The following LPAR1 variants were observed in gnomAD, a reference collection of about 807,000 sequenced individuals.
LPAR1 encodes lysophosphatidic acid receptor 1.
In LPAR1, 5 loss-of-function variants were observed where a neutral mutation model predicts 23.8. The observed-to-expected ratio is 0.21, with a 90% CI of 0.11 to 0.44. The LOEUF (loss-of-function observed/expected upper bound fraction) is 0.44. Among genes scored for constraint, LPAR1 ranks in the 20% least tolerant of loss-of-function variants. LPAR1 has a pLI of 0.99. For missense variants in LPAR1, 311 were observed against 482.8 expected, an observed-to-expected ratio of 0.64 and a Z score of 3.33; for synonymous variants, 160 against 164.7, an observed-to-expected ratio of 0.97 and a Z score of 0.22.
chr9:110,895,514 AAT>A (rs2086017361), intron 5 of LPAR1, among the ~76,000 whole-genome samples: 1 of 152,198 alleles, frequency 6.6e-6, no homozygotes, highest in Non-Finnish European at 1.5e-5. Flanking sequence ...CTTGTTTTTT[AAT>A]GACAGGGCCT....
At chr9:110,967,825 C>T (rs1326135061) in intron 4 of LPAR1, among the ~76,000 whole-genome samples, 5 of 152,168 alleles carry the variant, frequency 3.3e-5, no homozygotes, top group African/African-American at 7.2e-5. Context: ...GAGGAATTGA[C>T]ATATAATTAG....
chr9:111,022,598 A>G (rs1255498757), intron 2 of LPAR1, among the ~76,000 whole-genome samples: 1 of 152,214 alleles, frequency 6.6e-6, no homozygotes, highest in Non-Finnish European at 1.5e-5. Flanking sequence ...TTCACTTACA[A>G]AAAACTTAAC....
chr9:111,005,149 C>G (rs1288401101), intron 2 of LPAR1, among the ~76,000 whole-genome samples: 1 of 78,550 alleles, frequency 1.3e-5, no homozygotes, highest in Non-Finnish European at 2.3e-5. Context: ...GTGACAAAGT[C>G]TCAAAAAAAA....
At chr9:110,942,859 C>T (rs1371781013) in intron 4 of LPAR1, among the ~76,000 whole-genome samples, 2 of 152,074 alleles carry the variant, frequency 1.3e-5, no homozygotes, top group Non-Finnish European at 2.9e-5. Flanking sequence ...CCAACGTAAC[C>T]TCCAAAGAGT....
intron 5 of LPAR1, among the ~76,000 whole-genome samples, chr9:110,907,619 A>G (rs1040515261): frequency 3.9e-5 from 6 of 152,184 alleles, no homozygotes; most frequent in Admixed American, 2.6e-4. Flanking sequence ...TGTCTGGACA[A>G]CAGGAAAATC....
chr9:111,024,321 A>G lies in LPAR1; in HGVS notation c.-182+11801T>C, dbSNP rs566325442. 6.0e-5 allele frequency among the ~76,000 whole-genome samples: 9 copies of G among 150,924 alleles called. No individual in the cohort carries two copies. The East Asian group carries it at 1.6e-3, about 26-fold the overall frequency. ...CAATCTCATATGATTCAACTTACCA[A>G]TGAAGATAATGAAAATGGCAGCTAA... On this transcript the variant is annotated intron_variant, in intron 2 of 5. Transcript: ENST00000683809.
Position 110,964,784 on chromosome 9 carries a change from G to A in LPAR1, c.45+7289C>T, listed in dbSNP as rs1414501642. On this transcript the variant is annotated intron_variant, in intron 4 of 5. Coordinates refer to ENST00000683809, the MANE Select transcript of LPAR1 (RefSeq NM_001351411.2). ...AGATTTTGAAAATACATATTTTGTT[G>A]AGAGTACCTATTGGTAAGGATGTCC... is the stretch of plus-strand genomic sequence containing the variant. Among the ~76,000 whole-genome samples the A allele has an allele frequency of 4.7e-5, 7 of 148,016 alleles. 1 individual carries two copies. In the South Asian group the frequency reaches 1.5e-3, roughly 32 times the overall value.
intron 5 of LPAR1, among the ~76,000 whole-genome samples, chr9:110,928,050 A>C (rs1165115622): frequency 6.6e-6 from 1 of 152,154 alleles, no homozygotes. Context: ...AATGGGTCTA[A>C]ATGTCCCATG....
chr9:110,977,830 GGGAGGGAAGGAA>G (rs2096587040), intron 2 of LPAR1, among the ~76,000 whole-genome samples: 2 of 97,684 alleles, frequency 2.0e-5, no homozygotes, highest in East Asian at 3.3e-4. Flanking sequence ...GCGGGAGGGA[GGGAGGGAAGGAA>G]GGAGGGAAGG....
intron 5 of LPAR1, among the ~76,000 whole-genome samples, chr9:110,937,609 T>G (rs909591235): frequency 6.6e-6 from 1 of 152,178 alleles, no homozygotes; most frequent in Non-Finnish European, 1.5e-5. Context: ...AAATAAGTAT[T>G]TCACAACTAA....
At chr9:110,951,062 T>C (rs1488214229) in intron 4 of LPAR1, among the ~76,000 whole-genome samples, 2 of 152,162 alleles carry the variant, frequency 1.3e-5, no homozygotes, top group Admixed American at 6.5e-5. Context: ...AACACACATA[T>C]TATAACTTGA....
At chr9:110,940,870 T>C (rs369759992) in intron 5 of LPAR1, among the ~76,000 whole-genome samples, 18 of 152,186 alleles carry the variant, frequency 1.2e-4, no homozygotes, top group African/African-American at 4.3e-4. Context: ...AGAAAATTAA[T>C]AGAAAATAAG....
chr9:110,998,901 G>C (rs547025517), intron 2 of LPAR1, among the ~76,000 whole-genome samples: 1 of 152,238 alleles, frequency 6.6e-6, no homozygotes, highest in East Asian at 1.9e-4. Flanking sequence ...TTCAAAAGAA[G>C]GCATAAGGAT....
chr9:110,913,011 A>G (rs902369414), intron 5 of LPAR1, among the ~76,000 whole-genome samples: 3 of 152,216 alleles, frequency 2.0e-5, no homozygotes, highest in African/African-American at 7.2e-5. Context: ...ACTCTTTAGC[A>G]CATCCTATGA....
intron 5 of LPAR1, among the ~76,000 whole-genome samples, chr9:110,931,913 T>C (rs1311956080): frequency 2.0e-5 from 3 of 152,202 alleles, no homozygotes; most frequent in Non-Finnish European, 4.4e-5. Context: ...CATGCTGTTT[T>C]GGTTACTGTA....
intron 2 of LPAR1, chr9:110,999,475 C>A (rs1229092994): frequency 1.1e-5 from 5 of 455,416 alleles, no homozygotes; most frequent in Non-Finnish European, 2.2e-5. Context: ...CTAAAACAAC[C>A]AGACAGCTAT....
At chr9:110,990,180 A>C (rs118028807) in intron 2 of LPAR1, among the ~76,000 whole-genome samples, 1,964 of 152,256 alleles carry the variant, frequency 0.013, 34 homozygotes, top group Non-Finnish European at 0.018. Context: ...TGCCTCAGTC[A>C]TTAATTGACA....
chr9:111,016,244 A>G (rs1180290107), intron 2 of LPAR1, among the ~76,000 whole-genome samples: 2 of 152,208 alleles, frequency 1.3e-5, no homozygotes, highest in South Asian at 2.1e-4. Context: ...CTGTGACCAT[A>G]TACCAGCAAA....
chr9:110,883,326 G>A (rs376653603), intron 5 of LPAR1, among the ~76,000 whole-genome samples: 2 of 152,056 alleles, frequency 1.3e-5, no homozygotes, highest in South Asian at 2.1e-4. Flanking sequence ...ATGAGCCACC[G>A]TGCCCGGCCT....
Sources: gnomAD v4.1 joint callset for allele counts (sites outside exome capture counted in the v4.1 genomes callset) on GRCh38, gnomAD v4.1.1 for gene constraint, MANE v1.5 for transcripts, NCBI Gene and HGNC (gene_info 2026-07-23, HGNC 2026-07-21) for gene names.